RAB10: variants seen among roughly 807,000 people sequenced by gnomAD.
RAB10 encodes RAB10, member RAS oncogene family, also known as ras-related protein Rab-10.
A neutral mutation model predicts 25.7 loss-of-function variants in RAB10; 5 were observed. The ratio of observed to expected loss-of-function variants is 0.19; its 90% CI spans 0.10 to 0.41. RAB10 has a LOEUF of 0.41. RAB10 is among the 10% of genes least tolerant of loss of function. The pLI, the probability that RAB10 is intolerant of heterozygous loss-of-function variation, is 1.00. For missense variants in RAB10, 103 were observed against 245.8 expected (o/e 0.42, Z 3.89); for synonymous variants, 89 against 86.4 (o/e 1.03, Z -0.16).
chr2:26,126,723 T>G (rs749162395), intron 3 of RAB10, among the ~76,000 whole-genome samples: 1 of 152,212 alleles, frequency 6.6e-6, no homozygotes, highest in South Asian at 2.1e-4. Flanking sequence ...TGCATGGACC[T>G]CCTTGTGCCA....
In RAB10 at chr2:26,074,152, C is replaced by T. The variant is rs148870227; in HGVS notation, c.128-24510C>T. On this transcript the variant is annotated intron_variant, in intron 1 of 5. Transcript: ENST00000264710. ...GAGGAGACAGTATCAGGAAGATTGC[C>T]TTGGAGGTCATTGGTAATCTGAGCC... Among the ~76,000 whole-genome samples the T allele has an allele frequency of 2.5e-3, 375 of 152,222 alleles. 1 individual carries two copies. The highest frequency in any genetic ancestry group is 4.4e-3 in the Non-Finnish European group (300 of 68,008).
intron 1 of RAB10, among the ~76,000 whole-genome samples, chr2:26,062,902 G>A (rs1387217910): frequency 6.6e-6 from 1 of 151,916 alleles, no homozygotes; most frequent in Non-Finnish European, 1.5e-5. Context: ...ATCACCTGAG[G>A]TCAGGAGTTC....
rs116582587 is a variant in RAB10 at position 26,083,950 on chromosome 2, A to T, written c.128-14712A>T. 2.8e-3 allele frequency among the ~76,000 whole-genome samples: 428 copies of T among 152,384 alleles called. 3 individuals are homozygous for T. The highest frequency in any genetic ancestry group is 9.9e-3 in the African/African-American group (411 of 41,596). ...TTAAAAATATATGCAAGGCTTAGAC[A>T]TGGAAAACTACAAAATATCGCTGAG... On this transcript the variant is annotated intron_variant, in intron 1 of 5. Coordinates refer to ENST00000264710, the MANE Select transcript of RAB10 (RefSeq NM_016131.5).
intron 1 of RAB10, among the ~76,000 whole-genome samples, chr2:26,061,393 A>C (rs1435614153): frequency 6.6e-6 from 1 of 151,826 alleles, no homozygotes; most frequent in Non-Finnish European, 1.5e-5. Context: ...CTGGGATTAC[A>C]TGTGTGAGCC....
chr2:26,055,144 T>C (rs1666229950), intron 1 of RAB10, among the ~76,000 whole-genome samples: 1 of 152,046 alleles, frequency 6.6e-6, no homozygotes, highest in South Asian at 2.1e-4. Flanking sequence ...AGGGATGCAA[T>C]GGTGTGTAGT....
At chr2:26,101,037 G>A (rs994646183) in intron 2 of RAB10, among the ~76,000 whole-genome samples, 1 of 152,106 alleles carries the variant, frequency 6.6e-6, no homozygotes, top group African/African-American at 2.4e-5. Flanking sequence ...GATCAGGGAG[G>A]TCCTCTCTAT....
At chr2:26,125,284 G>C (rs939901492) in intron 3 of RAB10, among the ~76,000 whole-genome samples, 1 of 151,838 alleles carries the variant, frequency 6.6e-6, no homozygotes, top group Non-Finnish European at 1.5e-5. Context: ...TTTTTTAATA[G>C]TAGCCATACT....
chr2:26,045,958 T>C (rs1430721034), intron 1 of RAB10, among the ~76,000 whole-genome samples: 1 of 152,196 alleles, frequency 6.6e-6, no homozygotes, highest in Non-Finnish European at 1.5e-5. Context: ...GTAAAGGTCA[T>C]AGAGGTGGGT....
intron 3 of RAB10, 95 bp downstream of exon 3, chr2:26,110,001 G>A (rs1037433799): frequency 1.2e-5 from 16 of 1,284,706 alleles, no homozygotes; most frequent in South Asian, 1.1e-4. Context: ...AGGATATAAT[G>A]TACTGTTGAA....
At chr2:26,058,924 T>C (rs1666327947) in intron 1 of RAB10, among the ~76,000 whole-genome samples, 1 of 152,226 alleles carries the variant, frequency 6.6e-6, no homozygotes, top group Non-Finnish European at 1.5e-5. Context: ...CTTGTTTTGT[T>C]AATTGGCCAT....
intron 4 of RAB10, 25 bp from the exon 5 acceptor site, chr2:26,127,825 T>C (rs773396994): frequency 6.6e-7 from 1 of 1,519,458 alleles, no homozygotes; most frequent in Admixed American, 1.7e-5. Flanking sequence ...GATAATTTTA[T>C]GATGATATTT....
intron 1 of RAB10, among the ~76,000 whole-genome samples, chr2:26,074,105 G>C (rs553734554): frequency 2.6e-5 from 4 of 152,302 alleles, no homozygotes; most frequent in East Asian, 1.9e-4. Context: ...AGAATGATGA[G>C]AAAATGCAGG....
At chr2:26,115,204 CAGTT>C (rs2149285616) in intron 3 of RAB10, among the ~76,000 whole-genome samples, 1 of 152,156 alleles carries the variant, frequency 6.6e-6, no homozygotes, top group East Asian at 1.9e-4. Flanking sequence ...GTTAAACATA[CAGTT>C]ACCTTATGAC....
intron 1 of RAB10, among the ~76,000 whole-genome samples, chr2:26,047,482 C>T (rs1018320706): frequency 6.6e-6 from 1 of 152,112 alleles, no homozygotes; most frequent in Non-Finnish European, 1.5e-5. Context: ...GTGGCACAAT[C>T]TCGGCTCACT....
In RAB10 at chr2:26,043,283, A is replaced by C. The variant is rs747870921; in HGVS notation, c.127+8548A>C. Among the ~76,000 whole-genome samples, 4 of 152,200 alleles carry C rather than the reference A, an allele frequency of 2.6e-5. No individual in the cohort carries two copies. The South Asian group carries it at 8.3e-4, about 32-fold the overall frequency. ...AGAAACCCCCCAAAATTAGCTGTACATGTTGGCGCATGCCTGTAGTACCAG... is the reference window on the plus strand; with the variant it reads ...AGAAACCCCCCAAAATTAGCTGTACCTGTTGGCGCATGCCTGTAGTACCAG... On this transcript the variant is annotated intron_variant, in intron 1 of 5. Coordinates refer to ENST00000264710, the MANE Select transcript of RAB10 (RefSeq NM_016131.5).
chr2:26,048,046 T>G (rs1015387913), intron 1 of RAB10, among the ~76,000 whole-genome samples: 1 of 151,882 alleles, frequency 6.6e-6, no homozygotes, highest in South Asian at 2.1e-4. Context: ...AGTTTTTTTT[T>G]TTTTTTTTTT....
intron 3 of RAB10, among the ~76,000 whole-genome samples, chr2:26,114,506 C>T (rs1338020526): frequency 2.0e-5 from 3 of 152,036 alleles, no homozygotes; most frequent in Non-Finnish European, 4.4e-5. Context: ...ATAGTCTTTC[C>T]AACAAATGGT....
At chr2:26,102,416 ATTTT>A (rs59552007) in intron 2 of RAB10, among the ~76,000 whole-genome samples, 1 of 133,380 alleles carries the variant, frequency 7.5e-6, no homozygotes, top group Non-Finnish European at 1.6e-5. Context: ...CTGGGCTGTG[ATTTT>A]TTTTTTTCTT....
At chr2:26,090,920 C>G (rs181394834) in intron 1 of RAB10, among the ~76,000 whole-genome samples, 2 of 134,412 alleles carry the variant, frequency 1.5e-5, no homozygotes, top group Non-Finnish European at 3.1e-5. Flanking sequence ...GGCAAAAGAG[C>G]GAGACCCTGT....
Sources: allele counts gnomAD v4.1 joint callset (sites outside exome capture counted in the v4.1 genomes callset), GRCh38; gene constraint gnomAD v4.1.1; transcripts MANE v1.5; gene names NCBI Gene and HGNC (gene_info 2026-07-23, HGNC 2026-07-21).